ERAP2: variants seen among roughly 807,000 people sequenced by gnomAD.
ERAP2 encodes the protein endoplasmic reticulum aminopeptidase 2.
A neutral mutation model predicts 111.1 loss-of-function variants in ERAP2; 118 were observed. That is an observed-to-expected ratio of 1.06 (90% CI 0.92 to 1.24). The LOEUF is 1.24. ERAP2 is among the 50% of genes most tolerant of loss of function. The probability of loss-of-function intolerance (pLI) is 0.00; values close to 1 mark genes in which losing one functional copy is unlikely to be tolerated. For missense variants in ERAP2, 1,131 were observed against 1,125.8 expected (o/e 1.00, Z -0.07); for synonymous variants, 410 against 401.2 (o/e 1.02, Z -0.26).
At position 96,909,751 on chromosome 5, in the gene ERAP2, A is replaced by G. The variant is rs754160876; in HGVS notation, c.2341A>G (p.Ser781Gly). 13 of 1,614,036 alleles carry G rather than the reference A, an allele frequency of 8.1e-6. No homozygotes were observed. The highest frequency in any genetic ancestry group is 1.0e-5 in the Non-Finnish European group (12 of 1,179,904). The change falls in exon 15 of 19, where the codon AGT (serine) becomes GGT (glycine). Residue 781 changes from serine (S) to glycine (G), a missense_variant. Physicochemically the swap from Ser to Gly is moderately conservative, Grantham distance 56 (BLOSUM62 0). Transcript: ENST00000437043. The stretch of plus-strand genomic sequence containing the variant: ...ACTCTTCTCCCAGTGGATGGAATCC[A>G]GTGGAAAATTAAAGTAGATGTAGAC... The part of the protein sequence containing the change: ...AELFSQWMES[S>G]GKLNIPTDVL...
At chr5:96,906,208 C>CCTCCTCCTCTTCCTT (rs1786065355) in intron 13 of ERAP2, among the ~76,000 whole-genome samples, 1 of 151,806 alleles carries the variant, frequency 6.6e-6, no homozygotes. Context: ...TCCTCCCCCT[C>CCTCCTCCTCTTCCTT]CTCCTCCTCT....
At chr5:96,900,225 T>C (rs375698294) in intron 10 of ERAP2, 36 bp downstream of exon 10, 136 of 1,612,308 alleles carry the variant, frequency 8.4e-5, no homozygotes, top group Non-Finnish European at 1.1e-4. Flanking sequence ...AGAAGAGATC[T>C]GTGGAATAGC....
intron 4 of ERAP2, among the ~76,000 whole-genome samples, chr5:96,888,688 C>T (rs1031702278): frequency 3.3e-5 from 5 of 152,156 alleles, no homozygotes; most frequent in African/African-American, 7.2e-5. Context: ...TAGCTAATTT[C>T]TTTGGGGGAG....
chr5:96,879,989 A>G lies in ERAP2; in HGVS notation c.304A>G (p.Ser102Gly). ...VASEKIEVLV[S>G]NATQFIILHS... ...ATCTGAGAAGATCGAAGTCTTGGTC[A>G]GCAATGCTACCCAGTTTATCATCTT... The change falls in exon 2 of 19, where the codon AGC (serine) becomes GGC (glycine). Residue 102 changes from serine (S) to glycine (G), a missense_variant. By Grantham distance (56) the Ser-to-Gly change is moderately conservative (BLOSUM62 0). Coordinates refer to ENST00000437043, the MANE Select transcript of ERAP2 (RefSeq NM_022350.5). 1 of 1,614,190 alleles carries G rather than the reference A, an allele frequency of 6.2e-7. No homozygotes were observed. Among genetic ancestry groups the G allele is most frequent in the Non-Finnish European group, 8.5e-7 (1 of 1,180,032 alleles).
chr5:96,885,093 A>T (rs1256417367), intron 3 of ERAP2, among the ~76,000 whole-genome samples: 3 of 152,178 alleles, frequency 2.0e-5, no homozygotes. Context: ...TATCGTCTTC[A>T]TCTGGTGGGG....
upstream of ERAP2, chr5:96,876,244 AC>A (rs1782514538): frequency 6.6e-6 from 1 of 152,340 alleles, no homozygotes; most frequent in Admixed American, 6.5e-5. Flanking sequence ...TACCCTGGGG[AC>A]AAGGGAAGGG....
At position 96,892,446 on chromosome 5, in the gene ERAP2, C is replaced by A. The variant is rs768571471; in HGVS notation, c.1118C>A (p.Ala373Glu). ...ACCAGAGTCATAGCCCATGAACTGG[C>A]GCACCAGGTACTTGGCACTCATGAC... ...WVTRVIAHEL[A>E]HQWFGNLVTM... The change falls in exon 6 of 19, where the codon GCG (alanine) becomes GAG (glutamate). Residue 373 changes from alanine (A) to glutamate (E), a missense_variant. Coordinates refer to ENST00000437043, the MANE Select transcript of ERAP2 (RefSeq NM_022350.5). 1.4e-5 allele frequency: 22 copies of A among 1,613,742 alleles called. No homozygotes were observed. The highest frequency in any genetic ancestry group is 6.7e-5 in the Admixed American group (4 of 59,976).
chr5:96,915,716 A>G lies in ERAP2; in HGVS notation c.2686A>G (p.Met896Val). 6.3e-7 allele frequency: 1 copy of G among 1,595,904 alleles called. No individual in the cohort carries two copies. The highest frequency in any genetic ancestry group is 8.5e-7 in the Non-Finnish European group (1 of 1,171,878). The change falls in exon 18 of 19, where the codon ATG becomes GTG. Residue 896 changes from methionine (M) to valine (V), a missense_variant. Around this residue, in one of 3 missense-constraint regions of ERAP2, gnomAD observed 279 missense variants for 250.9 expected, o/e 1.11. Transcript: ENST00000437043. The stretch of plus-strand genomic sequence containing the variant: ...TGACTTGGGCTCATATGACATAAGG[A>G]TGATCATCTCTGGCACAACAGCTCA... ...KFDLGSYDIRMIISGTTAHFS... is the reference protein window; with the variant it reads ...KFDLGSYDIRVIISGTTAHFS...
At chr5:96,894,424 A>G (rs1286763650) in intron 6 of ERAP2, among the ~76,000 whole-genome samples, 1 of 152,196 alleles carries the variant, frequency 6.6e-6, no homozygotes, top group Non-Finnish European at 1.5e-5. Context: ...TTCTGTAACT[A>G]TAACCAGGCT....
rs150106511 is a variant in ERAP2, at chr5:96,909,040, G to A, written c.2092G>A (p.Glu698Lys). 69 of 1,614,032 alleles carry A rather than the reference G, an allele frequency of 4.3e-5. No homozygotes were observed. The highest frequency in any genetic ancestry group is 1.8e-4 in the East Asian group (8 of 44,894). The change falls in exon 14 of 19, where the codon GAA becomes AAA. Residue 698 changes from glutamate to lysine, a missense_variant. Coordinates refer to ENST00000437043, the MANE Select transcript of ERAP2 (RefSeq NM_022350.5). ...TGAAACAAGCAGCCCCGCACTTCTC[G>A]AAGGTCTGAGTTACTTGGAATCGTT... ...QHETSSPALL[E>K]GLSYLESFYH...
In ERAP2 at chr5:96,900,149, G is replaced by A; in HGVS notation, c.1532G>A (p.Gly511Asp). Residue 511 changes from glycine (G) to aspartate (D), a missense_variant, in exon 10 of 19, where the codon GGT becomes GAT. Physicochemically the swap from Gly to Asp is moderately conservative, Grantham distance 94. Transcript: ENST00000437043. ...NSCLESDFTS[G>D]GVCHSDPKMT... ...TGTTTAGAAAGTGATTTTACATCTG[G>A]TGGAGTTTGTCATTCGGATCCCAAG... The A allele has an allele frequency of 6.2e-7, 1 of 1,613,866 alleles. No homozygotes were observed. The highest frequency in any genetic ancestry group is 1.1e-5 in the South Asian group (1 of 91,084).
At chr5:96,899,008 T>C (rs1004950002) in intron 9 of ERAP2, among the ~76,000 whole-genome samples, 3 of 152,086 alleles carry the variant, frequency 2.0e-5, no homozygotes, top group African/African-American at 7.2e-5. Context: ...ATACTGGCAG[T>C]AGAGGGTGGG....
At chr5:96,891,410 TACATATACACAC>T (rs1784345558) in intron 5 of ERAP2, among the ~76,000 whole-genome samples, 1 of 150,308 alleles carries the variant, frequency 6.7e-6, no homozygotes, top group South Asian at 2.1e-4. Context: ...CACACACATA[TACATATACACAC>T]ACATATACAG....
intron 5 of ERAP2, among the ~76,000 whole-genome samples, chr5:96,891,501 A>G (rs199866613): frequency 0.046 from 1,217 of 26,280 alleles, 22 homozygotes; most frequent in Admixed American, 0.15. Flanking sequence ...GTGTGTGTGT[A>G]TATATATATA....
intron 13 of ERAP2, among the ~76,000 whole-genome samples, chr5:96,904,056 T>G (rs925215446): frequency 6.6e-6 from 1 of 152,254 alleles, no homozygotes; most frequent in Non-Finnish European, 1.5e-5. Context: ...TAAGGAAAAG[T>G]ACAAATATAG....
chr5:96,914,451 G>A (rs1787161601), intron 17 of ERAP2, among the ~76,000 whole-genome samples: 1 of 152,134 alleles, frequency 6.6e-6, no homozygotes, highest in Non-Finnish European at 1.5e-5. Flanking sequence ...AATAGAAACT[G>A]CTTTAATATG....
Position 96,896,789 on chromosome 5 carries a change from G to C in ERAP2, c.1429G>C (p.Gly477Arg), listed in dbSNP as rs1473069081. The change falls in exon 9 of 19, where the codon GGA becomes CGA. Residue 477 changes from glycine (G) to arginine (R), a missense_variant. Around this residue, in one of 3 missense-constraint regions of ERAP2, gnomAD observed 847 missense variants for 856.5 expected, o/e 0.99. Coordinates refer to ENST00000437043, the MANE Select transcript of ERAP2 (RefSeq NM_022350.5). Reference sequence around the variant, plus strand: ...TCTGGGTGAGGAGAAATTCCAGAAAGGAATAATTCAGTACTTAAAGAAGTT... The same window carrying C: ...TCTGGGTGAGGAGAAATTCCAGAAACGAATAATTCAGTACTTAAAGAAGTT... ...DFLGEEKFQK[G>R]IIQYLKKFSY... 3 of 1,602,054 alleles carry C rather than the reference G, an allele frequency of 1.9e-6. No homozygotes were observed. The Admixed American group carries it at 5.3e-5, about 28-fold the overall frequency.
In ERAP2 at chr5:96,889,864, G is replaced by A. The variant is rs796298117; in HGVS notation, c.970+559G>A. Among the ~76,000 whole-genome samples the A allele has an allele frequency of 2.8e-5, 4 of 144,640 alleles. No individual in the cohort carries two copies. In the East Asian group the frequency reaches 8.0e-4, roughly 29 times the overall value. The allele number at this position is 144,640 out of a possible 152,430, so 94.9% of individuals were successfully genotyped here. On this transcript the variant is annotated intron_variant, in intron 5 of 18. Transcript: ENST00000437043. ...CACACACACACACACACACACACACGCATTGCATATTAGAATTAGAGGGAT... is the reference window on the plus strand; with the variant it reads ...CACACACACACACACACACACACACACATTGCATATTAGAATTAGAGGGAT...
At chr5:96,878,514 A>C (rs577812340) in intron 1 of ERAP2, among the ~76,000 whole-genome samples, 1 of 152,180 alleles carries the variant, frequency 6.6e-6, no homozygotes, top group African/African-American at 2.4e-5. Flanking sequence ...TCAGGCATAC[A>C]CTTAAAATTA....
Sources: gnomAD v4.1 joint callset for allele counts (sites outside exome capture counted in the v4.1 genomes callset) on GRCh38, gnomAD v4.1.1 for gene constraint, gnomAD v4.1.1 regional missense constraint, MANE v1.5 for transcripts, NCBI Gene and HGNC (gene_info 2026-07-23, HGNC 2026-07-21) for gene names.